Variants in GUCY1A2 observed in about 807,000 individuals in gnomAD.
GUCY1A2 encodes the protein guanylate cyclase 1 soluble subunit alpha 2, also known as guanylate cyclase soluble subunit alpha-2.
A neutral mutation model predicts 63.5 loss-of-function variants in GUCY1A2; 27 were observed. That is an observed-to-expected ratio of 0.43 (90% confidence interval 0.31 to 0.59). The LOEUF is 0.59. Among genes scored for constraint, GUCY1A2 ranks in the 20% least tolerant of loss-of-function variants. The pLI, the probability that GUCY1A2 is intolerant of heterozygous loss-of-function variation, is 0.11. For synonymous variants in GUCY1A2, 364 were observed against 343.5 expected (o/e 1.06, Z -0.66); for missense variants, 768 against 913.3 (o/e 0.84, Z 2.05).
chr11:106,891,814 A>T (rs912108619), intron 4 of GUCY1A2, among the ~76,000 whole-genome samples: 1 of 152,104 alleles, frequency 6.6e-6, no homozygotes, highest in Non-Finnish European at 1.5e-5. Context: ...GCCAGTTTAT[A>T]GTAAATCTTG....
intron 7 of GUCY1A2, among the ~76,000 whole-genome samples, chr11:106,705,831 T>A (rs1862899692): frequency 6.6e-6 from 1 of 151,912 alleles, no homozygotes; most frequent in African/African-American, 2.4e-5. Context: ...CTGCACTCCA[T>A]CCTGGGCGAC....
rs571211744 is a variant in GUCY1A2, at chr11:106,886,045, A to G, written c.1206+53415T>C. On this transcript the variant is annotated intron_variant, in intron 4 of 7. Transcript: ENST00000526355. ...GGATAACTACGTGTATCTGGCATAC[A>G]CAGTTCATTCTCATGCTGTATTCCT... 7.2e-5 allele frequency among the ~76,000 whole-genome samples: 11 copies of G among 152,268 alleles called. No individual in the cohort carries two copies. In the East Asian group the frequency reaches 2.1e-3, roughly 29 times the overall value.
chr11:106,932,073 A>G (rs1450625470), intron 4 of GUCY1A2, among the ~76,000 whole-genome samples: 1 of 152,144 alleles, frequency 6.6e-6, no homozygotes, highest in East Asian at 1.9e-4. Context: ...ATTCTAACTT[A>G]AAAACAAAAG....
chr11:106,985,924 T>C (rs1451346914), intron 2 of GUCY1A2, 146 bp downstream of exon 2: 1 of 601,262 alleles, frequency 1.7e-6, no homozygotes, highest in Non-Finnish European at 3.0e-6. Context: ...ACTCCCCCAA[T>C]AAGCCTTCAC....
intron 2 of GUCY1A2, among the ~76,000 whole-genome samples, chr11:106,983,603 G>A (rs2120133354): frequency 6.6e-6 from 1 of 152,298 alleles, no homozygotes; most frequent in East Asian, 1.9e-4. Context: ...TCAAGGAAAG[G>A]AAAAGAAGGT....
intron 4 of GUCY1A2, among the ~76,000 whole-genome samples, chr11:106,869,295 A>C (rs2135462995): frequency 6.6e-6 from 1 of 152,354 alleles, no homozygotes; most frequent in South Asian, 2.1e-4. Flanking sequence ...GCACAGCAAA[A>C]GAAACTACCA....
intron 5 of GUCY1A2, among the ~76,000 whole-genome samples, chr11:106,779,987 C>A (rs1187422055): frequency 2.0e-5 from 3 of 152,076 alleles, no homozygotes; most frequent in Admixed American, 2.0e-4. Flanking sequence ...TCAAGACCAG[C>A]CTGGGCAACA....
rs1292702578 is a variant in GUCY1A2, at chr11:106,745,669, A to G, written c.1836+30770T>C. ...GATATTCCATAAATAATGACTAACC[A>G]TATGTAATGACTGTCCTAAGATGCA... On this transcript the variant is annotated intron_variant, in intron 6 of 7. Transcript: ENST00000526355. Among the ~76,000 whole-genome samples the G allele has an allele frequency of 5.9e-5, 9 of 152,356 alleles. No homozygotes were observed. The East Asian group carries it at 1.7e-3, about 29-fold the overall frequency.
chr11:107,016,864 G>A (rs1036746638), intron 1 of GUCY1A2, among the ~76,000 whole-genome samples: 4 of 152,054 alleles, frequency 2.6e-5, no homozygotes, highest in African/African-American at 9.7e-5. Flanking sequence ...TGAGGAGAGA[G>A]TAAAGGATGA....
intron 3 of GUCY1A2, among the ~76,000 whole-genome samples, chr11:106,969,296 C>T (rs1469032535): frequency 6.6e-6 from 1 of 152,058 alleles, no homozygotes; most frequent in Admixed American, 6.6e-5. Flanking sequence ...TAGCATAGAA[C>T]CCAGGATGTT....
intron 3 of GUCY1A2, among the ~76,000 whole-genome samples, chr11:106,972,537 A>G (rs1225714158): frequency 6.6e-6 from 1 of 152,098 alleles, no homozygotes; most frequent in East Asian, 1.9e-4. Context: ...AATGCTTTAG[A>G]GACACAGAAA....
At chr11:106,800,074 G>A (rs191511721) in intron 5 of GUCY1A2, among the ~76,000 whole-genome samples, 12 of 152,210 alleles carry the variant, frequency 7.9e-5, no homozygotes, top group South Asian at 2.1e-4. Context: ...ACAAGTGGGC[G>A]AAGGATATGA....
chr11:106,764,652 A>G (rs781157040), intron 6 of GUCY1A2, among the ~76,000 whole-genome samples: 22 of 152,062 alleles, frequency 1.4e-4, no homozygotes, highest in Non-Finnish European at 3.1e-4. Flanking sequence ...ATATATTAGG[A>G]AGGGAGAGGA....
intron 1 of GUCY1A2, among the ~76,000 whole-genome samples, chr11:107,011,459 T>C (rs1439087040): frequency 6.7e-6 from 1 of 150,006 alleles, no homozygotes; most frequent in African/African-American, 2.4e-5. Flanking sequence ...TTAGAGTCCT[T>C]AAAGGTAAAT....
intron 4 of GUCY1A2, among the ~76,000 whole-genome samples, chr11:106,932,651 C>G (rs934209261): frequency 6.6e-6 from 1 of 152,044 alleles, no homozygotes; most frequent in Non-Finnish European, 1.5e-5. Flanking sequence ...AAAAAAAGAG[C>G]CCAAATAACC....
intron 7 of GUCY1A2, among the ~76,000 whole-genome samples, chr11:106,706,856 A>G (rs545808885): frequency 6.6e-6 from 1 of 152,260 alleles, no homozygotes; most frequent in African/African-American, 2.4e-5. Flanking sequence ...TCTACTAGAG[A>G]ATTTGACAAA....
At chr11:106,778,618 G>A (rs774940316) in intron 5 of GUCY1A2, among the ~76,000 whole-genome samples, 9 of 151,700 alleles carry the variant, frequency 5.9e-5, no homozygotes, top group South Asian at 2.1e-4. Context: ...CGGAGATCAC[G>A]CCACTGCACT....
intron 6 of GUCY1A2, among the ~76,000 whole-genome samples, chr11:106,755,611 A>G (rs1863959346): frequency 6.6e-6 from 1 of 152,182 alleles, no homozygotes; most frequent in South Asian, 2.1e-4. Context: ...TGTACCCAGT[A>G]GTCATTCAGG....
intron 4 of GUCY1A2, among the ~76,000 whole-genome samples, chr11:106,894,233 CAATTTTCCAGA>C (rs1273014187): frequency 6.6e-6 from 1 of 152,040 alleles, no homozygotes; most frequent in Non-Finnish European, 1.5e-5. Context: ...ATAAAGGGGT[CAATTTTCCAGA>C]AAGACATAAC....
Sources: allele counts gnomAD v4.1 joint callset (sites outside exome capture counted in the v4.1 genomes callset), GRCh38; gene constraint gnomAD v4.1.1; transcripts MANE v1.5; gene names NCBI Gene and HGNC (gene_info 2026-07-23, HGNC 2026-07-21).